Variants in UBAP2 observed in about 807,000 individuals in gnomAD.
The protein encoded by UBAP2 is ubiquitin associated protein 2.
A neutral mutation model predicts 139.6 loss-of-function variants in UBAP2; 75 were observed. That is an observed-to-expected ratio of 0.54 (90% confidence interval 0.45 to 0.65). The LOEUF (loss-of-function observed/expected upper bound fraction) is 0.65, where lower values mean the gene tolerates loss of function less well. Among genes scored for constraint, UBAP2 ranks in the 30% least tolerant of loss-of-function variants. The probability of loss-of-function intolerance (pLI) is 0.00; values close to 1 mark genes in which losing one functional copy is unlikely to be tolerated. For missense variants in UBAP2, 1,368 were observed against 1,369.6 expected, an observed-to-expected ratio of 1.00 and a Z score of 0.02; for synonymous variants, 526 against 526.2, an observed-to-expected ratio of 1.00 and a Z score of 0.01.
chr9:34,012,970 C>T (rs939660546), intron 2 of UBAP2, among the ~76,000 whole-genome samples: 1 of 151,246 alleles, frequency 6.6e-6, no homozygotes, highest in Non-Finnish European at 1.5e-5. Flanking sequence ...ACCTGGCCAA[C>T]ATGGTGAAAC....
chr9:34,007,146 A>G (rs1823289477), intron 2 of UBAP2, among the ~76,000 whole-genome samples: 2 of 152,128 alleles, frequency 1.3e-5, no homozygotes, highest in Non-Finnish European at 2.9e-5. Context: ...TTCCTTTGCA[A>G]TCTAGACCCC....
intron 1 of UBAP2, among the ~76,000 whole-genome samples, chr9:34,028,356 C>T (rs1383956809): frequency 1.0e-5 from 1 of 98,640 alleles, no homozygotes; most frequent in Admixed American, 1.2e-4. Context: ...AGCTGTAAAC[C>T]CTGTCTTATT....
intron 14 of UBAP2, 125 bp from the exon 15 acceptor site, chr9:33,943,714 C>A: frequency 1.2e-6 from 1 of 831,084 alleles, no homozygotes; most frequent in South Asian, 2.1e-5. Context: ...GAGTGAGAAA[C>A]AAGGAGAAAA....
chr9:33,931,118 A>G (rs576720511), intron 19 of UBAP2, among the ~76,000 whole-genome samples: 3 of 152,298 alleles, frequency 2.0e-5, no homozygotes, highest in South Asian at 2.1e-4. Context: ...CTTGAAATGC[A>G]TGGGTCCACT....
In UBAP2 at chr9:33,951,332, A is replaced by AT. The variant is rs57473520; in HGVS notation, c.1056+1952dup. On this transcript the variant is annotated intron_variant, in intron 12 of 28. Coordinates refer to ENST00000379238, the MANE Select transcript of UBAP2 (RefSeq NM_001370062.2). ...CATGCCATGCCTGGCCTCCCCAATGATTTTTTTTTTTTTTTTTTTTTTTTT... is the reference window on the plus strand; with the variant it reads ...CATGCCATGCCTGGCCTCCCCAATGATTTTTTTTTTTTTTTTTTTTTTTTTT... 2.3e-3 allele frequency among the ~76,000 whole-genome samples: 162 copies of AT among 68,990 alleles called. 4 individuals carry two copies. Among genetic ancestry groups the AT allele is most frequent in the African/African-American group, 7.6e-3 (148 of 19,362 alleles). 45.3% of individuals were successfully genotyped at this position (68,990 alleles called of 152,430 possible).
intron 1 of UBAP2, among the ~76,000 whole-genome samples, chr9:34,018,222 G>A (rs1345173085): frequency 5.1e-5 from 5 of 97,648 alleles, no homozygotes; most frequent in African/African-American, 9.5e-5. Context: ...TAGGGATAGC[G>A]ATTACAATTT....
At chr9:33,977,185 C>T (rs535547436) in intron 6 of UBAP2, among the ~76,000 whole-genome samples, 1 of 150,978 alleles carries the variant, frequency 6.6e-6, no homozygotes, top group African/African-American at 2.4e-5. Flanking sequence ...ATTACAGGTG[C>T]CTGCCACCAC....
At chr9:33,951,522 T>C (rs1476065469) in intron 12 of UBAP2, among the ~76,000 whole-genome samples, 1 of 151,618 alleles carries the variant, frequency 6.6e-6, no homozygotes, top group African/African-American at 2.4e-5. Context: ...AATTTTTGTA[T>C]TTTTAGTAGA....
intron 12 of UBAP2, among the ~76,000 whole-genome samples, chr9:33,950,127 G>A (rs936050158): frequency 1.2e-4 from 18 of 151,884 alleles, no homozygotes; most frequent in African/African-American, 4.4e-4. Flanking sequence ...GTGCAGTGGC[G>A]CGATCTCGGC....
At chr9:34,024,676 T>G (rs998634415) in intron 1 of UBAP2, among the ~76,000 whole-genome samples, 8 of 152,070 alleles carry the variant, frequency 5.3e-5, no homozygotes, top group Admixed American at 1.3e-4. Flanking sequence ...TTTTCCCGTA[T>G]TAATTTTACA....
At chr9:33,975,465 G>A (rs1344005820) in intron 6 of UBAP2, among the ~76,000 whole-genome samples, 1 of 148,690 alleles carries the variant, frequency 6.7e-6, no homozygotes, top group African/African-American at 2.5e-5. Context: ...ACCAAGTGTT[G>A]ACAAAGATGT....
At chr9:33,993,896 C>CTTTT (rs34361153) in intron 4 of UBAP2, among the ~76,000 whole-genome samples, 1,391 of 137,252 alleles carry the variant, frequency 0.01, 18 homozygotes, top group East Asian at 0.023. Context: ...GCTTTGCTTT[C>CTTTT]TTTTTTTTTT....
intron 2 of UBAP2, among the ~76,000 whole-genome samples, chr9:34,013,152 CAAAAAAAAAA>C (rs398010658): frequency 2.4e-4 from 19 of 78,308 alleles, no homozygotes; most frequent in African/African-American, 5.7e-4. Flanking sequence ...GACTCTAGCT[CAAAAAAAAAA>C]AAAAAAAAAA....
intron 16 of UBAP2, among the ~76,000 whole-genome samples, chr9:33,941,099 T>C (rs922380912): frequency 2.2e-4 from 33 of 152,176 alleles, no homozygotes; most frequent in African/African-American, 7.2e-4. Context: ...TCAGGAGATA[T>C]TGGTACATCT....
At chr9:33,949,588 A>AGCTACTCCAGAGGCTGAG (rs1284179675) in intron 12 of UBAP2, among the ~76,000 whole-genome samples, 15 of 152,206 alleles carry the variant, frequency 9.9e-5, no homozygotes, top group African/African-American at 3.6e-4. Flanking sequence ...CTGCAATCCC[A>AGCTACTCCAGAGGCTGAG]GCTACTCCAG....
intron 12 of UBAP2, among the ~76,000 whole-genome samples, chr9:33,949,372 CA>C (rs1362081914): frequency 1.3e-5 from 2 of 152,030 alleles, no homozygotes; most frequent in African/African-American, 4.8e-5. Flanking sequence ...GATGTACAGT[CA>C]AAGAAGAGAT....
chr9:33,962,830 T>TA (rs1827171918), intron 9 of UBAP2, among the ~76,000 whole-genome samples: 1 of 150,266 alleles, frequency 6.7e-6, no homozygotes, highest in Non-Finnish European at 1.5e-5. Flanking sequence ...TACAAAGAAT[T>TA]AGTCAGGAGT....
intron 1 of UBAP2, among the ~76,000 whole-genome samples, chr9:34,033,379 A>C (rs1826052938): frequency 6.6e-6 from 1 of 152,148 alleles, no homozygotes; most frequent in South Asian, 2.1e-4. Flanking sequence ...CAAACATCAC[A>C]TGTTCTCACT....
chr9:33,977,963 C>T (rs573050014), intron 6 of UBAP2, among the ~76,000 whole-genome samples: 42 of 144,008 alleles, frequency 2.9e-4, no homozygotes, highest in African/African-American at 9.7e-4. Context: ...TGCAGTGAGC[C>T]AAGATCGCAC....
Sources: allele counts gnomAD v4.1 joint callset (sites outside exome capture counted in the v4.1 genomes callset), GRCh38; gene constraint gnomAD v4.1.1; transcripts MANE v1.5; gene names NCBI Gene and HGNC (gene_info 2026-07-23, HGNC 2026-07-21).